RBFOX1: variants seen among roughly 807,000 people sequenced by gnomAD.
The protein encoded by RBFOX1 is RNA binding fox-1 homolog 1, also known as RNA binding protein fox-1 homolog 1.
Under a neutral mutation model 57.7 loss-of-function variants are expected in RBFOX1, and 8 were observed. The ratio of observed to expected loss-of-function variants is 0.14; its 90% CI spans 0.08 to 0.25. The LOEUF is 0.25. RBFOX1 is among the 10% of genes least tolerant of loss of function. The probability of loss-of-function intolerance (pLI) is 1.00; values close to 1 mark genes in which losing one functional copy is unlikely to be tolerated. For synonymous variants in RBFOX1, 326 were observed against 222.4 expected (o/e 1.47, Z -4.15); for missense variants, 611 against 548.5 (o/e 1.11, Z -1.14).
intron 14 of RBFOX1, among the ~76,000 whole-genome samples, chr16:7,700,907 G>C (rs1363972995): frequency 6.6e-6 from 1 of 152,140 alleles, no homozygotes; most frequent in African/African-American, 2.4e-5. Context: ...TGGGTAAATG[G>C]TCTGAGTCTT....
chr16:7,558,845 A>G (rs1387313919), intron 5 of RBFOX1, among the ~76,000 whole-genome samples: 4 of 152,242 alleles, frequency 2.6e-5, no homozygotes, highest in Non-Finnish European at 5.9e-5. Flanking sequence ...GTATATGAAA[A>G]TACTATATAA....
chr16:6,967,041 C>T (rs957277900), intron 3 of RBFOX1, among the ~76,000 whole-genome samples: 1 of 152,268 alleles, frequency 6.6e-6, no homozygotes, highest in East Asian at 1.9e-4. Flanking sequence ...TCTGTACGTG[C>T]ATCCACCCTC....
chr16:5,792,277 C>G (rs1447147552), intron 3 of RBFOX1, among the ~76,000 whole-genome samples: 2 of 152,100 alleles, frequency 1.3e-5, no homozygotes, highest in African/African-American at 4.8e-5. Context: ...CTCTGTAATC[C>G]CTTTCTAAGT....
intron 3 of RBFOX1, among the ~76,000 whole-genome samples, chr16:6,711,655 T>G (rs2063739832): frequency 6.6e-6 from 1 of 152,188 alleles, no homozygotes; most frequent in African/African-American, 2.4e-5. Context: ...TCCCCATCCG[T>G]GTGGAACTGT....
intron 2 of RBFOX1, among the ~76,000 whole-genome samples, chr16:5,546,984 TA>T (rs1382390373): frequency 6.6e-6 from 1 of 152,132 alleles, no homozygotes; most frequent in East Asian, 1.9e-4. Flanking sequence ...ACATGGCAAA[TA>T]ATCACATGAA....
intron 4 of RBFOX1, among the ~76,000 whole-genome samples, chr16:7,233,338 C>G (rs969114604): frequency 4.6e-5 from 7 of 151,988 alleles, no homozygotes; most frequent in Admixed American, 3.3e-4. Context: ...CCCAGCTCTT[C>G]TATATTCTTT....
intron 3 of RBFOX1, among the ~76,000 whole-genome samples, chr16:6,660,862 A>G (rs1416670394): frequency 6.6e-6 from 1 of 152,156 alleles, no homozygotes; most frequent in East Asian, 1.9e-4. Flanking sequence ...AGGGGATCTC[A>G]GGGGAGTATG....
intron 4 of RBFOX1, among the ~76,000 whole-genome samples, chr16:7,111,468 T>G (rs1190322619): frequency 6.6e-6 from 1 of 152,212 alleles, no homozygotes; most frequent in East Asian, 1.9e-4. Context: ...TTGATTATAT[T>G]ACATTTTTAA....
intron 2 of RBFOX1, among the ~76,000 whole-genome samples, chr16:6,584,787 C>T (rs1372267112): frequency 6.6e-6 from 1 of 152,164 alleles, no homozygotes; most frequent in Non-Finnish European, 1.5e-5. Flanking sequence ...TGGCACCGAT[C>T]ACTGAAGGAT....
intron 3 of RBFOX1, among the ~76,000 whole-genome samples, chr16:6,913,714 C>A (rs60218235): frequency 0.068 from 10,347 of 152,220 alleles, 1,166 homozygotes; most frequent in African/African-American, 0.24. Flanking sequence ...GCTCTGTCCT[C>A]CCCTGCGTAC....
intron 11 of RBFOX1, among the ~76,000 whole-genome samples, chr16:7,650,938 G>C (rs757493948): frequency 3.9e-5 from 6 of 152,042 alleles, no homozygotes; most frequent in South Asian, 2.1e-4. Flanking sequence ...ATTTACTCGT[G>C]TTCCCCATTA....
chr16:5,311,349 T>C (rs568293674), intron 1 of RBFOX1, among the ~76,000 whole-genome samples: 3 of 152,314 alleles, frequency 2.0e-5, no homozygotes, highest in Admixed American at 2.0e-4. Context: ...TTGTGAACTG[T>C]GCTGCAATAA....
intron 4 of RBFOX1, among the ~76,000 whole-genome samples, chr16:7,210,743 G>A (rs111452994): frequency 5.3e-5 from 8 of 151,938 alleles, no homozygotes; most frequent in African/African-American, 1.9e-4. Flanking sequence ...ATCAATAAGG[G>A]GGTTCAGGGA....
intron 3 of RBFOX1, among the ~76,000 whole-genome samples, chr16:5,858,603 C>A (rs2151882016): frequency 6.6e-6 from 1 of 152,332 alleles, no homozygotes. Flanking sequence ...TCTTAGGTTA[C>A]AAGCTGCCAG....
At chr16:7,031,853 C>G (rs2042883841) in intron 3 of RBFOX1, among the ~76,000 whole-genome samples, 2 of 152,144 alleles carry the variant, frequency 1.3e-5, no homozygotes, top group African/African-American at 4.8e-5. Context: ...GCCTGCTGGA[C>G]ACACAGGGAG....
rs571454069 is a variant in RBFOX1, at chr16:5,929,992, C to T, written c.351+62657C>T. On this transcript the variant is annotated intron_variant, in intron 4 of 19. Coordinates refer to the RBFOX1 transcript ENST00000641259. ...GGAAAGGAGAAAGACGGATGCACTA[C>T]GAAGCAGGTGTGAGTGAGTGAAGTG... Among the ~76,000 whole-genome samples the T allele has an allele frequency of 3.3e-5, 5 of 151,338 alleles. 1 individual carries two copies. In the South Asian group the frequency reaches 1.0e-3, roughly 32 times the overall value.
At chr16:5,510,497 C>G (rs1260929728) in intron 2 of RBFOX1, among the ~76,000 whole-genome samples, 1 of 109,264 alleles carries the variant, frequency 9.2e-6, no homozygotes, top group African/African-American at 4.1e-5. Context: ...ATCACTCCCA[C>G]CAAGTTTTGG....
intron 2 of RBFOX1, among the ~76,000 whole-genome samples, chr16:6,540,927 C>G (rs926588204): frequency 6.6e-6 from 1 of 152,096 alleles, no homozygotes; most frequent in African/African-American, 2.4e-5. Flanking sequence ...GAGTTGAGGT[C>G]TGGGATTATC....
At chr16:7,491,540 G>C (rs1166861064) in intron 4 of RBFOX1, among the ~76,000 whole-genome samples, 3 of 151,334 alleles carry the variant, frequency 2.0e-5, no homozygotes, top group African/African-American at 7.3e-5. Context: ...CTGATCTTTG[G>C]GCTGGAGTCA....
Sources: allele counts gnomAD v4.1 joint callset (sites outside exome capture counted in the v4.1 genomes callset), GRCh38; gene constraint gnomAD v4.1.1; transcripts MANE v1.5; gene names NCBI Gene and HGNC (gene_info 2026-07-23, HGNC 2026-07-21).